Variants in C11orf97 observed in about 807,000 individuals in gnomAD.
The protein encoded by C11orf97 is chromosome 11 open reading frame 97.
C11orf97 carries 15 observed loss-of-function variants against 16.2 expected under a neutral mutation model. The observed-to-expected ratio is 0.93, with a 90% CI of 0.62 to 1.43. The LOEUF (loss-of-function observed/expected upper bound fraction) is 1.43. C11orf97 is among the 40% of genes most tolerant of loss of function. C11orf97 has a pLI of 0.00. For synonymous variants in C11orf97, 61 were observed against 65.7 expected (o/e 0.93, Z 0.34); for missense variants, 171 against 161.2 (o/e 1.06, Z -0.33).
At chr11:94,526,109 C>T (rs901440913) in intron 2 of C11orf97, among the ~76,000 whole-genome samples, 2 of 152,124 alleles carry the variant, frequency 1.3e-5, no homozygotes, top group African/African-American at 4.8e-5. Context: ...GTCTTTCTGG[C>T]TCCGTGCCCG....
intron 1 of C11orf97, among the ~76,000 whole-genome samples, chr11:94,516,025 A>C (rs1947609342): frequency 6.6e-6 from 1 of 152,242 alleles, no homozygotes; most frequent in Non-Finnish European, 1.5e-5. Context: ...GTTAGGCTTC[A>C]GTAATGCTGA....
At chr11:94,514,149 A>T (rs1947590746) in intron 1 of C11orf97, among the ~76,000 whole-genome samples, 1 of 152,182 alleles carries the variant, frequency 6.6e-6, no homozygotes, top group Non-Finnish European at 1.5e-5. Flanking sequence ...CCCATTAAAG[A>T]TGCTAGTTTC....
At chr11:94,522,063 A>T (rs988804882) in intron 2 of C11orf97, among the ~76,000 whole-genome samples, 1 of 152,180 alleles carries the variant, frequency 6.6e-6, no homozygotes, top group Non-Finnish European at 1.5e-5. Flanking sequence ...CTTGATGTTT[A>T]TCGGAGTGTT....
At position 94,517,317 on chromosome 11, in the gene C11orf97, C is replaced by T. The variant is rs570299216; in HGVS notation, c.146-266C>T. Among the ~76,000 whole-genome samples, 4 of 152,234 alleles carry T rather than the reference C, an allele frequency of 2.6e-5. No homozygotes were observed. The East Asian group carries it at 7.7e-4, about 29-fold the overall frequency. On this transcript the variant is annotated intron_variant, in intron 1 of 3. Transcript: ENST00000542198. ...AGTTTTCTTGAAGCTAAGGAGGAAA[C>T]TTTATCTATTTCTTCATAACACCTA...
At chr11:94,521,882 G>C (rs1188720021) in intron 2 of C11orf97, among the ~76,000 whole-genome samples, 2 of 152,178 alleles carry the variant, frequency 1.3e-5, no homozygotes, top group African/African-American at 4.8e-5. Context: ...AGTGGATACT[G>C]TTCTGCCTCT....
At position 94,523,221 on chromosome 11, in the gene C11orf97, T is replaced by C. The variant is rs116461562; in HGVS notation, c.251-4863T>C. Among the ~76,000 whole-genome samples, 1,430 of 152,344 alleles carry C rather than the reference T, an allele frequency of 9.4e-3. 26 individuals carry two copies. The highest frequency in any genetic ancestry group is 0.033 in the African/African-American group (1,377 of 41,562). On this transcript the variant is annotated intron_variant, in intron 2 of 3. Transcript: ENST00000542198. ...CCTGCCTGGCCTCTTCCTATGTATA[T>C]TTGAATTTGTGACTTTGGATAAACG...
intron 2 of C11orf97, among the ~76,000 whole-genome samples, chr11:94,521,803 A>G (rs1352975245): frequency 1.3e-5 from 2 of 152,142 alleles, no homozygotes; most frequent in Non-Finnish European, 2.9e-5. Flanking sequence ...CCAAATTCAG[A>G]TCTGACCCCC....
chr11:94,526,397 T>C (rs1326314401), intron 2 of C11orf97, among the ~76,000 whole-genome samples: 1 of 152,254 alleles, frequency 6.6e-6, no homozygotes, highest in Non-Finnish European at 1.5e-5. Context: ...TCTGGGCATC[T>C]GCATTTATAT....
chr11:94,529,226 A>T (rs776495475), intron 3 of C11orf97, among the ~76,000 whole-genome samples: 1 of 152,162 alleles, frequency 6.6e-6, no homozygotes, highest in African/African-American at 2.4e-5. Flanking sequence ...TAGGATGTCT[A>T]TTGGACCTGA....
intron 2 of C11orf97, among the ~76,000 whole-genome samples, chr11:94,524,401 G>A (rs1021746377): frequency 6.6e-6 from 1 of 151,980 alleles, no homozygotes; most frequent in Non-Finnish European, 1.5e-5. Context: ...ATTTGAAATT[G>A]ATTTAGTAGC....
rs1947576847 is a variant in C11orf97, at chr11:94,512,523, T to C, written c.-6T>C. On this transcript the variant is annotated 5_prime_UTR_variant, in exon 1 of 4. Coordinates refer to ENST00000542198, the MANE Select transcript of C11orf97 (RefSeq NM_001190462.2). ...GTGCCCAGGGCTCTCGGAAGACCGC[T>C]GCGGCATGACAGGCGAGGAGGCGGT... is the stretch of plus-strand genomic sequence containing the variant. 1 of 1,304,338 alleles carries C rather than the reference T, an allele frequency of 7.7e-7. No individual in the cohort carries two copies. 80.8% of individuals were successfully genotyped at this position (1,304,338 alleles called of 1,614,324 possible).
intron 1 of C11orf97, among the ~76,000 whole-genome samples, chr11:94,516,904 A>G (rs1290169460): frequency 6.6e-6 from 1 of 152,154 alleles, no homozygotes; most frequent in African/African-American, 2.4e-5. Context: ...GACCGGAGAG[A>G]TTAGGGATAT....
intron 1 of C11orf97, among the ~76,000 whole-genome samples, chr11:94,513,571 G>T (rs538528619): frequency 6.6e-6 from 1 of 152,254 alleles, no homozygotes; most frequent in South Asian, 2.1e-4. Flanking sequence ...GGGAGGGTTG[G>T]GCTGAAGCAC....
At chr11:94,525,622 A>C (rs7925173) in intron 2 of C11orf97, among the ~76,000 whole-genome samples, 11,843 of 152,186 alleles carry the variant, frequency 0.078, 1,311 homozygotes, top group African/African-American at 0.25. Context: ...TTTACTAGAC[A>C]CCAAAGGCTT....
Position 94,512,590 on chromosome 11 carries a change from A to G in C11orf97, c.62A>G (p.Glu21Gly). 1 of 1,286,512 alleles carries G rather than the reference A, an allele frequency of 7.8e-7. No homozygotes were observed. The highest frequency in any genetic ancestry group is 9.8e-7 in the Non-Finnish European group (1 of 1,017,044). The allele number at this position is 1,286,512 out of a possible 1,614,324, so 79.7% of individuals were successfully genotyped here. Reference protein sequence around the residue: ...AVVAPKAGREEEQPPPPAGLG... With the variant: ...AVVAPKAGREGEQPPPPAGLG... ...GTGGCGCCCAAGGCGGGTCGCGAAG[A>G]GGAGCAGCCTCCTCCGCCAGCAGGG... Residue 21 changes from glutamate (E) to glycine (G), a missense_variant, in exon 1 of 4, where the codon GAG becomes GGG. By Grantham distance (98) the Glu-to-Gly change is moderately conservative (BLOSUM62 -2). Coordinates refer to ENST00000542198, the MANE Select transcript of C11orf97 (RefSeq NM_001190462.2).
chr11:94,531,777 C>G, intron 3 of C11orf97, 119 bp from the exon 4 acceptor site: 1 of 794,092 alleles, frequency 1.3e-6, no homozygotes, highest in Non-Finnish European at 1.8e-6. Flanking sequence ...GGGTGTGGCT[C>G]TTACATTCTG....
At chr11:94,528,267 C>T in intron 3 of C11orf97, 58 bp downstream of exon 3, 1 of 1,453,950 alleles carries the variant, frequency 6.9e-7, no homozygotes, top group Non-Finnish European at 9.1e-7. Context: ...TTACAGTTTA[C>T]AAACCAGTGG....
intron 2 of C11orf97, among the ~76,000 whole-genome samples, chr11:94,522,772 T>C (rs1947669406): frequency 6.6e-6 from 1 of 152,208 alleles, no homozygotes; most frequent in Non-Finnish European, 1.5e-5. Context: ...CTTGCAGACA[T>C]ATTTATTTGC....
At chr11:94,531,526 C>CAA (rs35270400) in intron 3 of C11orf97, among the ~76,000 whole-genome samples, 194 of 91,990 alleles carry the variant, frequency 2.1e-3, no homozygotes, top group Non-Finnish European at 2.9e-3. Flanking sequence ...CAAAACAAGC[C>CAA]AAAAAAAAAA....
Sources: gnomAD v4.1 joint callset for allele counts (sites outside exome capture counted in the v4.1 genomes callset) on GRCh38, gnomAD v4.1.1 for gene constraint, MANE v1.5 for transcripts, NCBI Gene and HGNC (gene_info 2026-07-23, HGNC 2026-07-21) for gene names.